The following ZNF680 variants were observed in gnomAD, a reference collection of about 807,000 sequenced individuals.
ZNF680 encodes the protein zinc finger protein 680, also known as hypothetical protein FLJ90430.
In ZNF680, 6 loss-of-function variants were observed where a neutral mutation model predicts 12.1. That is an observed-to-expected ratio of 0.49 (90% CI 0.27 to 0.98). The LOEUF (loss-of-function observed/expected upper bound fraction) is 0.98. ZNF680 is among the 50% of genes least tolerant of loss of function. The probability of loss-of-function intolerance (pLI) is 0.12; values close to 1 mark genes in which losing one functional copy is unlikely to be tolerated. For missense variants in ZNF680, 561 were observed against 616.3 expected (o/e 0.91, Z 0.95); for synonymous variants, 170 against 199.3 (o/e 0.85, Z 1.24).
intron 1 of ZNF680, among the ~76,000 whole-genome samples, chr7:64,559,978 T>C (rs1023064895): frequency 5.3e-5 from 8 of 152,120 alleles, no homozygotes; most frequent in Non-Finnish European, 1.5e-5. Flanking sequence ...GAAATCAAGA[T>C]AACAGGGTAT....
intron 1 of ZNF680, among the ~76,000 whole-genome samples, chr7:64,553,779 G>T (rs1022995340): frequency 2.6e-5 from 4 of 152,324 alleles, no homozygotes; most frequent in South Asian, 4.1e-4. Context: ...TGGAGACGGG[G>T]TTTCGCTGTG....
chr7:64,518,697 C>G (rs1791404496), downstream of ZNF680, among the ~76,000 whole-genome samples: 1 of 151,936 alleles, frequency 6.6e-6, no homozygotes, highest in Non-Finnish European at 1.5e-5. Flanking sequence ...CAAATACTTA[C>G]AGCCAACAGA....
chr7:64,556,952 A>C (rs774129849), intron 1 of ZNF680, among the ~76,000 whole-genome samples: 38 of 152,234 alleles, frequency 2.5e-4, no homozygotes, highest in Non-Finnish European at 4.9e-4. Context: ...GAATTTTAAA[A>C]ATTTTACCAT....
intron 1 of ZNF680, among the ~76,000 whole-genome samples, chr7:64,549,851 C>T (rs1003845655): frequency 6.6e-6 from 1 of 152,080 alleles, no homozygotes; most frequent in Admixed American, 6.6e-5. Context: ...GGCGTGGTGG[C>T]ACGTGCCTGT....
chr7:64,535,676 G>A (rs1291676381), intron 3 of ZNF680, among the ~76,000 whole-genome samples: 1 of 152,020 alleles, frequency 6.6e-6, no homozygotes, highest in African/African-American at 2.4e-5. Context: ...AGGCACGGTG[G>A]CTCATGCCTG....
intron 3 of ZNF680, among the ~76,000 whole-genome samples, chr7:64,534,401 A>C (rs970222779): frequency 5.3e-5 from 8 of 152,228 alleles, no homozygotes; most frequent in African/African-American, 1.7e-4. Flanking sequence ...GCCAACAAAA[A>C]TATGAAAAAA....
chr7:64,556,734 G>A (rs1356626172), intron 1 of ZNF680, among the ~76,000 whole-genome samples: 2 of 152,126 alleles, frequency 1.3e-5, no homozygotes, highest in Non-Finnish European at 2.9e-5. Flanking sequence ...AAATATTATT[G>A]ACATAGGAAC....
rs543829377 is a variant in ZNF680 at position 64,527,870 on chromosome 7, G to C, written c.254-5370C>G. ...GTGAAGGCTTGCGTCATAAATTTTA[G>C]CTTCAGAATAACTGCAGGAATAAAT... On this transcript the variant is annotated intron_variant, in intron 3 of 3. Coordinates refer to ENST00000309683, the MANE Select transcript of ZNF680 (RefSeq NM_178558.5). Among the ~76,000 whole-genome samples, 4 of 152,282 alleles carry C rather than the reference G, an allele frequency of 2.6e-5. No individual in the cohort carries two copies. The South Asian group carries it at 8.3e-4, about 32-fold the overall frequency.
chr7:64,523,168 T>G (rs1181249159), intron 3 of ZNF680, among the ~76,000 whole-genome samples: 2 of 151,996 alleles, frequency 1.3e-5, no homozygotes, highest in East Asian at 3.9e-4. Context: ...TCTCTAAAAT[T>G]TGAAAGATAA....
At chr7:64,554,452 TG>T (rs1038434563) in intron 1 of ZNF680, among the ~76,000 whole-genome samples, 2 of 148,258 alleles carry the variant, frequency 1.3e-5, no homozygotes, top group East Asian at 2.0e-4. Context: ...GTCTGGGAGG[TG>T]GGGGGGCGCC....
intron 1 of ZNF680, among the ~76,000 whole-genome samples, chr7:64,553,778 G>T (rs1372007206): frequency 2.0e-5 from 3 of 152,184 alleles, no homozygotes; most frequent in Admixed American, 6.5e-5. Flanking sequence ...GTGGAGACGG[G>T]GTTTCGCTGT....
chr7:64,535,906 C>T (rs113249469), intron 3 of ZNF680, among the ~76,000 whole-genome samples: 34,277 of 151,780 alleles, frequency 0.23, 4,054 homozygotes, highest in South Asian at 0.28. Flanking sequence ...ATCACACCAC[C>T]GCACTCCAGC....
chr7:64,518,460 T>C (rs555292918), downstream of ZNF680, among the ~76,000 whole-genome samples: 10 of 151,952 alleles, frequency 6.6e-5, no homozygotes, highest in Admixed American at 4.6e-4. Context: ...TACTCATGGA[T>C]TGGTAGAATC....
chr7:64,548,137 T>G (rs1584393809), intron 1 of ZNF680, among the ~76,000 whole-genome samples: 3 of 152,378 alleles, frequency 2.0e-5, no homozygotes, highest in African/African-American at 7.2e-5. Flanking sequence ...ACAGAGTTTG[T>G]GTTAACTAAT....
downstream of ZNF680, among the ~76,000 whole-genome samples, chr7:64,516,048 C>A (rs922563234): frequency 6.6e-6 from 1 of 152,108 alleles, no homozygotes; most frequent in Admixed American, 6.5e-5. Context: ...ACAAGATCTC[C>A]AAAACAGCCC....
chr7:64,526,246 C>G, intron 3 of ZNF680: 2 of 1,115,412 alleles, frequency 1.8e-6, no homozygotes, highest in Non-Finnish European at 1.1e-6. Context: ...AGGCTAAGAA[C>G]TTCCCAAATT....
chr7:64,558,956 C>T (rs1240374833), intron 1 of ZNF680, among the ~76,000 whole-genome samples: 3 of 151,434 alleles, frequency 2.0e-5, no homozygotes, highest in East Asian at 1.9e-4. Flanking sequence ...GAAAAAAGGC[C>T]GGGTGGGGGA....
At chr7:64,526,631 A>C in intron 3 of ZNF680, 1 of 324,122 alleles carries the variant, frequency 3.1e-6, no homozygotes, top group African/African-American at 2.1e-5. Context: ...ATGTAAATAT[A>C]CACACACACA....
At position 64,526,031 on chromosome 7, in the gene ZNF680, T is replaced by C. The variant is rs150555501; in HGVS notation, c.254-3531A>G. ...AATACTGGCATACTCAATTATAATA[T>C]AAACTAAAAAACCAAAACAATTAAC... On this transcript the variant is annotated intron_variant, in intron 3 of 3. Transcript: ENST00000309683. 109 of 982,770 alleles carry C rather than the reference T, an allele frequency of 1.1e-4. 1 individual carries two copies. In the East Asian group the frequency reaches 0.011, roughly 100 times the overall value. 60.9% of individuals were successfully genotyped at this position (982,770 alleles called of 1,614,324 possible).
Sources: gnomAD v4.1 joint callset for allele counts (sites outside exome capture counted in the v4.1 genomes callset) on GRCh38, gnomAD v4.1.1 for gene constraint, MANE v1.5 for transcripts, NCBI Gene and HGNC (gene_info 2026-07-23, HGNC 2026-07-21) for gene names.